The following TBC1D12 variants were observed in gnomAD, a reference collection of about 807,000 sequenced individuals.
The protein encoded by TBC1D12 is TBC1 domain family, member 12.
A neutral mutation model predicts 86.7 loss-of-function variants in TBC1D12; 56 were observed. That is an observed-to-expected ratio of 0.65 (90% CI 0.52 to 0.81). The LOEUF (loss-of-function observed/expected upper bound fraction) is 0.81, where lower values mean the gene tolerates loss of function less well. TBC1D12 is among the 30% of genes least tolerant of loss of function. TBC1D12 has a pLI of 0.00. For synonymous variants in TBC1D12, 421 were observed against 411.7 expected (o/e 1.02, Z -0.27); for missense variants, 1,023 against 1,038.8 (o/e 0.98, Z 0.21).
At chr10:94,473,821 TTGAA>T (rs1286182841) in intron 2 of TBC1D12, among the ~76,000 whole-genome samples, 1 of 152,176 alleles carries the variant, frequency 6.6e-6, no homozygotes, top group African/African-American at 2.4e-5. Flanking sequence ...GAAAGAATAC[TTGAA>T]TGGATAAATT....
chr10:94,403,096 G>A lies in TBC1D12; in HGVS notation c.483G>A (p.Arg161=). The A allele has an allele frequency of 3.6e-6, 5 of 1,406,058 alleles. No individual in the cohort carries two copies. The highest frequency in any genetic ancestry group is 4.6e-6 in the Non-Finnish European group (5 of 1,084,990). The allele number at this position is 1,406,058 out of a possible 1,614,324, so 87.1% of individuals were successfully genotyped here. Residue 161 remains arginine, a synonymous_variant, in exon 1 of 13, where the codon CGG becomes CGA. Coordinates refer to ENST00000225235, the MANE Select transcript of TBC1D12 (RefSeq NM_015188.2). ...GCGGGCTGGCGCGCGCCGGCGGCCG[G>A]GAGTCGCGCCGCCGCCGCCCCTACG... ...EARGLARAGG[R]ESRRRRPYGR...
intron 1 of TBC1D12, among the ~76,000 whole-genome samples, chr10:94,430,236 G>A (rs997234507): frequency 3.9e-5 from 6 of 152,144 alleles, no homozygotes; most frequent in African/African-American, 1.2e-4. Flanking sequence ...TTTATCCAAT[G>A]AGTCTAAAAG....
chr10:94,489,165 C>T (rs575251745), intron 3 of TBC1D12, among the ~76,000 whole-genome samples: 1 of 152,286 alleles, frequency 6.6e-6, no homozygotes, highest in Admixed American at 6.5e-5. Context: ...GCGAGGCTTG[C>T]CGAAACTCAA....
chr10:94,534,896 T>G lies in TBC1D12; in HGVS notation c.*1800T>G, dbSNP rs1842514676. 6.6e-6 allele frequency: 1 copy of G among 152,196 alleles called. No homozygotes were observed. 9.4% of individuals were successfully genotyped at this position (152,196 alleles called of 1,614,324 possible). The stretch of plus-strand genomic sequence containing the variant: ...TTCACAATGTGCTGCATTGGGTTTC[T>G]GCTTGGCTTTCTCACTGAAAAGTAA... On this transcript the variant is annotated 3_prime_UTR_variant, in exon 13 of 13. Transcript: ENST00000225235.
chr10:94,447,071 A>AC (rs990783089), intron 2 of TBC1D12, among the ~76,000 whole-genome samples: 11 of 151,778 alleles, frequency 7.2e-5, no homozygotes, highest in East Asian at 1.9e-4. Context: ...AAAAAAAAAA[A>AC]AAAAACCTTT....
intron 1 of TBC1D12, among the ~76,000 whole-genome samples, chr10:94,431,417 A>G (rs895778597): frequency 3.9e-5 from 5 of 129,826 alleles, no homozygotes; most frequent in Non-Finnish European, 8.6e-5. Context: ...TCTTAAAAAA[A>G]AAAAAAAAGA....
In TBC1D12 at chr10:94,498,215, A is replaced by T. The variant is rs560849024; in HGVS notation, c.1412+1043A>T. On this transcript the variant is annotated intron_variant, in intron 5 of 12. Transcript: ENST00000225235. ...TTGGAAAGAGAATATTAAATATATAAATGTATTAGAAGATGCACTTATTGT... is the reference window on the plus strand; with the variant it reads ...TTGGAAAGAGAATATTAAATATATATATGTATTAGAAGATGCACTTATTGT... 4.6e-5 allele frequency among the ~76,000 whole-genome samples: 7 copies of T among 152,272 alleles called. No individual in the cohort carries two copies. In the South Asian group the frequency reaches 1.4e-3, roughly 32 times the overall value.
chr10:94,417,921 T>A (rs911941214), intron 1 of TBC1D12, among the ~76,000 whole-genome samples: 6 of 151,950 alleles, frequency 3.9e-5, no homozygotes, highest in Non-Finnish European at 2.9e-5. Context: ...CCTAATTATT[T>A]TTTTTTGAGT....
At chr10:94,443,091 CTG>C (rs1416071698) in intron 2 of TBC1D12, among the ~76,000 whole-genome samples, 1 of 152,156 alleles carries the variant, frequency 6.6e-6, no homozygotes, top group East Asian at 1.9e-4. Context: ...AAAGCACTAG[CTG>C]TTTAACCAGA....
chr10:94,487,732 T>C (rs1378802367), intron 3 of TBC1D12, among the ~76,000 whole-genome samples: 6 of 149,272 alleles, frequency 4.0e-5, no homozygotes, highest in African/African-American at 1.5e-4. Flanking sequence ...GGTCTTGCTC[T>C]GTCACCCCAG....
intron 2 of TBC1D12, among the ~76,000 whole-genome samples, chr10:94,472,034 A>G (rs914680374): frequency 2.9e-4 from 44 of 152,128 alleles, no homozygotes; most frequent in African/African-American, 9.9e-4. Context: ...ATTTAAGTGG[A>G]TTGGGGATTC....
intron 11 of TBC1D12, among the ~76,000 whole-genome samples, chr10:94,523,582 T>TA (rs1173222400): frequency 6.6e-6 from 1 of 152,142 alleles, no homozygotes; most frequent in African/African-American, 2.4e-5. Flanking sequence ...TAAATGTAAA[T>TA]ACGATATACT....
intron 6 of TBC1D12, among the ~76,000 whole-genome samples, chr10:94,501,661 C>T (rs1295762920): frequency 6.6e-6 from 1 of 151,436 alleles, no homozygotes; most frequent in Non-Finnish European, 1.5e-5. Context: ...ATCCTCCTGC[C>T]TCAGCCTCCT....
At chr10:94,492,766 A>T (rs964023690) in intron 3 of TBC1D12, among the ~76,000 whole-genome samples, 3 of 152,198 alleles carry the variant, frequency 2.0e-5, no homozygotes, top group African/African-American at 2.4e-5. Context: ...TACCACAAGG[A>T]AACTTAGTGG....
chr10:94,403,629 G>GGCCGGA (rs1200252314), intron 1 of TBC1D12, 45 bp downstream of exon 1: 15 of 1,408,300 alleles, frequency 1.1e-5, no homozygotes, highest in Admixed American at 7.1e-5. Context: ...CCGGGGCCGG[G>GGCCGGA]GCCGGAGCCG....
intron 2 of TBC1D12, among the ~76,000 whole-genome samples, chr10:94,448,673 C>A (rs1425646486): frequency 6.6e-6 from 1 of 151,862 alleles, no homozygotes; most frequent in Non-Finnish European, 1.5e-5. Flanking sequence ...GAGACAGGGT[C>A]TCACTGTGTT....
chr10:94,492,027 T>C (rs1043355359), intron 3 of TBC1D12, among the ~76,000 whole-genome samples: 4 of 152,218 alleles, frequency 2.6e-5, no homozygotes, highest in African/African-American at 9.6e-5. Flanking sequence ...CTGTTGCACC[T>C]TAAATTGCAA....
intron 2 of TBC1D12, among the ~76,000 whole-genome samples, chr10:94,470,105 T>G (rs2055882469): frequency 6.6e-6 from 1 of 152,214 alleles, no homozygotes; most frequent in Admixed American, 6.5e-5. Context: ...AATTTCTCAT[T>G]ACGTCTTCAA....
chr10:94,429,031 C>T (rs2055182736), intron 1 of TBC1D12, among the ~76,000 whole-genome samples: 1 of 152,022 alleles, frequency 6.6e-6, no homozygotes, highest in Non-Finnish European at 1.5e-5. Context: ...ATAAAGAACT[C>T]TGACCTGGAT....
Sources: gnomAD v4.1 joint callset for allele counts (sites outside exome capture counted in the v4.1 genomes callset) on GRCh38, gnomAD v4.1.1 for gene constraint, MANE v1.5 for transcripts, NCBI Gene and HGNC (gene_info 2026-07-23, HGNC 2026-07-21) for gene names.